Variants in FMN1 observed in about 807,000 individuals in gnomAD.
FMN1 encodes the protein formin 1.
FMN1 carries 110 observed loss-of-function variants against 132.4 expected under a neutral mutation model. That is an observed-to-expected ratio of 0.83 (90% CI 0.71 to 0.97). The LOEUF is 0.97. Ranked by LOEUF, FMN1 falls within the 50% of genes least tolerant of loss-of-function variation. The probability of loss-of-function intolerance (pLI) is 0.00; values close to 1 mark genes in which losing one functional copy is unlikely to be tolerated. For synonymous variants in FMN1, 722 were observed against 651.7 expected (o/e 1.11, Z -1.64); for missense variants, 1,792 against 1,705.3 (o/e 1.05, Z -0.90).
intron 3 of FMN1, among the ~76,000 whole-genome samples, chr15:33,159,209 AAGAT>A (rs1964795453): frequency 6.6e-6 from 1 of 152,192 alleles, no homozygotes; most frequent in Non-Finnish European, 1.5e-5. Context: ...ATTAAATAAA[AAGAT>A]AGAATTGAAA....
intron 6 of FMN1, among the ~76,000 whole-genome samples, chr15:33,044,872 T>C (rs1304412511): frequency 6.6e-6 from 1 of 152,244 alleles, no homozygotes; most frequent in Non-Finnish European, 1.5e-5. Context: ...CCCCCTCCAC[T>C]TGTCCATATA....
intron 6 of FMN1, among the ~76,000 whole-genome samples, chr15:33,054,360 G>C (rs2037119112): frequency 6.6e-6 from 1 of 152,076 alleles, no homozygotes; most frequent in Non-Finnish European, 1.5e-5. Context: ...AAATTAAAAG[G>C]TTAGATTTTT....
At chr15:33,090,915 C>T (rs914796836) in intron 4 of FMN1, among the ~76,000 whole-genome samples, 2 of 152,090 alleles carry the variant, frequency 1.3e-5, no homozygotes, top group African/African-American at 4.8e-5. Context: ...ATGGCTCATC[C>T]TCCTCCTGGA....
intron 16 of FMN1, among the ~76,000 whole-genome samples, chr15:32,860,247 A>AG (rs1567284716): frequency 1.3e-5 from 2 of 151,730 alleles, no homozygotes; most frequent in African/African-American, 2.4e-5. Context: ...GAGGAAGGAA[A>AG]GAAGGAAGGA....
At chr15:33,097,235 T>A (rs935901947) in intron 4 of FMN1, among the ~76,000 whole-genome samples, 3 of 150,416 alleles carry the variant, frequency 2.0e-5, no homozygotes, top group African/African-American at 7.4e-5. Context: ...GCCTGGGAGG[T>A]TGAGGCTGCA....
At chr15:32,841,015 A>G (rs1374350527) in intron 17 of FMN1, among the ~76,000 whole-genome samples, 1 of 152,126 alleles carries the variant, frequency 6.6e-6, no homozygotes, top group Non-Finnish European at 1.5e-5. Context: ...AAACAAACAA[A>G]CCACCAGCAT....
At position 33,051,274 on chromosome 15, in the gene FMN1, A is replaced by C. The variant is rs143005791; in HGVS notation, c.2161+13683T>G. ...CTCTTTAATCAGAATTGAATAAAAC[A>C]GTCTGGGAAAGGTTAAGGTGAATTA... is the stretch of plus-strand genomic sequence containing the variant. On this transcript the variant is annotated intron_variant, in intron 6 of 20. Coordinates refer to ENST00000616417, the MANE Select transcript of FMN1 (RefSeq NM_001277313.2). Among the ~76,000 whole-genome samples, 585 of 152,298 alleles carry C rather than the reference A, an allele frequency of 3.8e-3. 7 individuals are homozygous for C. The highest frequency in any genetic ancestry group is 0.013 in the African/African-American group (561 of 41,560).
At chr15:32,965,145 C>G (rs775654052) in intron 8 of FMN1, among the ~76,000 whole-genome samples, 4 of 152,116 alleles carry the variant, frequency 2.6e-5, no homozygotes, top group Non-Finnish European at 5.9e-5. Context: ...CACCTGTAAT[C>G]CAAGCACTTT....
intron 4 of FMN1, among the ~76,000 whole-genome samples, chr15:33,097,521 A>G (rs1346392957): frequency 6.6e-6 from 1 of 152,158 alleles, no homozygotes; most frequent in Non-Finnish European, 1.5e-5. Flanking sequence ...GACAAGGAAA[A>G]AATATTATGT....
At chr15:33,087,806 C>CATACACAT (rs111365168) in intron 5 of FMN1, among the ~76,000 whole-genome samples, 1 of 150,936 alleles carries the variant, frequency 6.6e-6, no homozygotes, top group African/African-American at 2.4e-5. Flanking sequence ...TACATATATA[C>CATACACAT]ATATACACAT....
chr15:32,972,929 C>T (rs141035920), intron 7 of FMN1, among the ~76,000 whole-genome samples: 2 of 152,232 alleles, frequency 1.3e-5, no homozygotes, highest in African/African-American at 4.8e-5. Flanking sequence ...AATGCCTCAT[C>T]GCCTCCAGTC....
At chr15:33,030,345 G>C (rs2035878286) in intron 6 of FMN1, among the ~76,000 whole-genome samples, 1 of 152,202 alleles carries the variant, frequency 6.6e-6, no homozygotes, top group Non-Finnish European at 1.5e-5. Context: ...GGTAGGTCAA[G>C]AGATGAATGT....
At chr15:33,041,529 G>A (rs1484466404) in intron 6 of FMN1, among the ~76,000 whole-genome samples, 2 of 147,618 alleles carry the variant, frequency 1.4e-5, no homozygotes, top group Non-Finnish European at 3.0e-5. Flanking sequence ...ATTTTCTAAT[G>A]TTTACAATCT....
chr15:32,862,151 TA>T (rs1463547242), intron 16 of FMN1, among the ~76,000 whole-genome samples: 1 of 152,098 alleles, frequency 6.6e-6, no homozygotes, highest in Non-Finnish European at 1.5e-5. Context: ...GAAGGCTAAT[TA>T]ATGATGACAC....
chr15:33,018,878 A>G (rs1053021925), intron 6 of FMN1, among the ~76,000 whole-genome samples: 1 of 151,968 alleles, frequency 6.6e-6, no homozygotes, highest in African/African-American at 2.4e-5. Context: ...GAGTTGTTCG[A>G]TCCTCCGGTG....
chr15:33,006,077 C>A (rs992779089), intron 7 of FMN1, among the ~76,000 whole-genome samples: 2 of 152,086 alleles, frequency 1.3e-5, no homozygotes, highest in African/African-American at 4.8e-5. Context: ...AACATATAAT[C>A]CAATACACCG....
At chr15:32,939,447 A>G (rs1250515066) in intron 9 of FMN1, among the ~76,000 whole-genome samples, 1 of 151,654 alleles carries the variant, frequency 6.6e-6, no homozygotes, top group Non-Finnish European at 1.5e-5. Flanking sequence ...AACATGACAA[A>G]GATTTTTTTT....
At chr15:33,087,314 G>C (rs1030388896) in intron 5 of FMN1, among the ~76,000 whole-genome samples, 7 of 152,144 alleles carry the variant, frequency 4.6e-5, no homozygotes, top group Non-Finnish European at 1.0e-4. Flanking sequence ...GGGAGGCTGA[G>C]GCAGGGAACA....
chr15:32,815,519 T>C (rs2058032622), intron 17 of FMN1, among the ~76,000 whole-genome samples: 1 of 152,182 alleles, frequency 6.6e-6, no homozygotes, highest in Non-Finnish European at 1.5e-5. Flanking sequence ...AACCTTACAC[T>C]TGAAAACTAT....
Sources: allele counts gnomAD v4.1 joint callset (sites outside exome capture counted in the v4.1 genomes callset), GRCh38; gene constraint gnomAD v4.1.1; transcripts MANE v1.5; gene names NCBI Gene and HGNC (gene_info 2026-07-23, HGNC 2026-07-21).